PRDM7: variants seen among roughly 807,000 people sequenced by gnomAD.
The protein encoded by PRDM7 is PR/SET domain 7.
In PRDM7, 52 loss-of-function variants were observed where a neutral mutation model predicts 64.3. That is an observed-to-expected ratio of 0.81 (90% CI 0.65 to 1.02). The LOEUF is 1.02. Ranked by LOEUF, PRDM7 falls within the 50% of genes least tolerant of loss-of-function variation. The pLI is 0.00. For missense variants in PRDM7, 574 were observed against 597.1 expected, an observed-to-expected ratio of 0.96 and a Z score of 0.40; for synonymous variants, 192 against 210.1, an observed-to-expected ratio of 0.91 and a Z score of 0.74.
chr16:90,072,230 C>T (rs1032839908), intron 4 of PRDM7, among the ~76,000 whole-genome samples: 1 of 107,016 alleles, frequency 9.3e-6, no homozygotes, highest in Non-Finnish European at 2.0e-5. Context: ...GACTCCATCT[C>T]AAAAAAAAAA....
At chr16:90,063,429 C>T (rs2037816990) in intron 6 of PRDM7, among the ~76,000 whole-genome samples, 183 bp downstream of exon 6, 1 of 152,112 alleles carries the variant, frequency 6.6e-6, no homozygotes, top group Admixed American at 6.6e-5. Flanking sequence ...CAGAGTAAGA[C>T]TCTGTCTCAG....
Position 90,060,469 on chromosome 16 carries a change from A to G in PRDM7, c.1105T>C (p.Ser369Pro). 3 of 1,613,748 alleles carry G rather than the reference A, an allele frequency of 1.9e-6. No individual in the cohort carries two copies. Among genetic ancestry groups the G allele is most frequent in the Admixed American group, 3.3e-5 (2 of 60,004 alleles). Residue 369 changes from serine (S) to proline (P), a missense_variant, in exon 10 of 11, where the codon TCT becomes CCT. Physicochemically the swap from Ser to Pro is moderately conservative, Grantham distance 74. Transcript: ENST00000449207. ...DEYGQELGIR[S>P]SIEPAESLGQ... Reference sequence around the variant, plus strand: ...AATGACTCGGCAGGTTCTATAGAAGATCTGATGCCCAGTTCCTGGCCATAC... The same window carrying G: ...AATGACTCGGCAGGTTCTATAGAAGGTCTGATGCCCAGTTCCTGGCCATAC...
At position 90,060,590 on chromosome 16, in the gene PRDM7, C is replaced by G. The variant is rs200324057; in HGVS notation, c.984G>C (p.Gln328His). The G allele has an allele frequency of 2.6e-4, 415 of 1,614,042 alleles. No individual in the cohort carries two copies. The highest frequency in any genetic ancestry group is 5.0e-4 in the Admixed American group (30 of 60,002). Residue 328 changes from glutamine (Q) to histidine (H), a missense_variant, in exon 10 of 11, where the codon CAG (glutamine) becomes CAC (histidine). Gln to His is a conservative substitution (Grantham distance 24, BLOSUM62 0). Coordinates refer to ENST00000449207, the MANE Select transcript of PRDM7 (RefSeq NM_001098173.2). ...TGTGGTACTGGAAGGCCACCAGGTT[C>G]TGCTCTTCATCATCCCGGGCACAGT... ...YVNCARDDEE[Q>H]NLVAFQYHRQ...
chr16:90,070,284 G>A (rs570206013), intron 4 of PRDM7, among the ~76,000 whole-genome samples: 15 of 150,614 alleles, frequency 1.0e-4, no homozygotes, highest in Non-Finnish European at 1.8e-4. Context: ...ATGAGGGTGG[G>A]ACCCTTAGGA....
intron 4 of PRDM7, among the ~76,000 whole-genome samples, chr16:90,071,232 A>G (rs1315709612): frequency 1.3e-5 from 2 of 152,090 alleles, no homozygotes; most frequent in African/African-American, 4.8e-5. Context: ...CCCGGGTTCA[A>G]GTGATTCTTC....
intron 4 of PRDM7, 72 bp from the exon 5 acceptor site, chr16:90,066,982 T>C: frequency 7.6e-7 from 1 of 1,308,768 alleles, no homozygotes; most frequent in Non-Finnish European, 1.1e-6. Context: ...TTTTTCTTTT[T>C]GATATGGAGT....
intron 1 of PRDM7, 132 bp downstream of exon 1, chr16:90,077,094 G>A (rs1435147230): frequency 1.3e-5 from 2 of 152,148 alleles, no homozygotes; most frequent in African/African-American, 2.4e-5. Flanking sequence ...GTTTCATGCT[G>A]AGGGGATTTT....
At position 90,062,204 on chromosome 16, in the gene PRDM7, G is replaced by A. The variant is rs1364013123; in HGVS notation, c.611-12C>T. ...ACACATCTCACAATCTGGAAGTGAG[G>A]GAAGCAGGGATTAGGAAAGTTGTAA... On this transcript the variant is annotated splice_polypyrimidine_tract_variant and intron_variant, in intron 7 of 10. Coordinates refer to ENST00000449207, the MANE Select transcript of PRDM7 (RefSeq NM_001098173.2). 4.0e-5 allele frequency: 64 copies of A among 1,614,118 alleles called. No individual in the cohort carries two copies. The highest frequency in any genetic ancestry group is 4.9e-5 in the Non-Finnish European group (58 of 1,180,044).
intron 4 of PRDM7, among the ~76,000 whole-genome samples, chr16:90,068,149 G>C (rs1459011615): frequency 6.7e-6 from 1 of 150,050 alleles, no homozygotes; most frequent in African/African-American, 2.5e-5. Flanking sequence ...CATGGTGGCG[G>C]GCACCTATAG....
intron 4 of PRDM7, among the ~76,000 whole-genome samples, chr16:90,068,649 A>AAAG (rs2037914556): frequency 1.3e-5 from 2 of 148,468 alleles, no homozygotes; most frequent in Non-Finnish European, 1.5e-5. Context: ...AAAAAAAAAA[A>AAAG]AAAGAAGTAA....
rs1001270383 is a variant in PRDM7 at position 90,057,356 on chromosome 16, G to C, written c.*933C>G. The C allele has an allele frequency of 6.4e-6, 1 of 155,950 alleles. No individual in the cohort carries two copies. Among genetic ancestry groups the C allele is most frequent in the African/African-American group, 2.4e-5 (1 of 41,378 alleles). 9.7% of individuals were successfully genotyped at this position (155,950 alleles called of 1,614,324 possible). A position where few individuals can be genotyped will look rare whatever the true frequency, so the allele number is the denominator to read the frequency against. The stretch of plus-strand genomic sequence containing the variant: ...GTAAAACCCTACATTTCTCTTCCTG[G>C]ACTTGGGAATCGATTCTCCAATAAT... On this transcript the variant is annotated 3_prime_UTR_variant, in exon 11 of 11. Transcript: ENST00000449207.
In PRDM7 at chr16:90,075,985, G is replaced by A; in HGVS notation, c.-75C>T. 1 of 1,508,004 alleles carries A rather than the reference G, an allele frequency of 6.6e-7. No individual in the cohort carries two copies. Among genetic ancestry groups the A allele is most frequent in the South Asian group, 1.2e-5 (1 of 84,908 alleles). 93.4% of individuals were successfully genotyped at this position (1,508,004 alleles called of 1,614,324 possible). A position where few individuals can be genotyped will look rare whatever the true frequency, so the allele number is the denominator to read the frequency against. On this transcript the variant is annotated 5_prime_UTR_variant, in exon 2 of 11. Coordinates refer to ENST00000449207, the MANE Select transcript of PRDM7 (RefSeq NM_001098173.2). This position sits in a 1 kb window ranked among gnomAD's most constrained non-coding sequence, Gnocchi z 4.3. ...GGCCCCTGAGTCTCCCAGCTCCTAG[G>A]CCAAAGGCTCCTGTGGAAGGAGAAG...
rs1160815878 is a variant in PRDM7, at chr16:90,064,610, C to T, written c.352-842G>A. On this transcript the variant is annotated intron_variant, in intron 5 of 10. Transcript: ENST00000449207. ...TGTATATTTATTAGAGACGGGGTTT[C>T]GCTAGTTTGGCCAGGCTGGTCTAGA... Among the ~76,000 whole-genome samples the T allele has an allele frequency of 9.3e-5, 14 of 151,210 alleles. 1 individual carries two copies. Among genetic ancestry groups the T allele is most frequent in the African/African-American group, 1.2e-4 (5 of 40,772 alleles).
chr16:90,076,089 C>T, intron 1 of PRDM7, 94 bp from the exon 2 acceptor site: 1 of 719,182 alleles, frequency 1.4e-6, no homozygotes. Flanking sequence ...GTGTTCAGAG[C>T]AGGAAGACTG....
chr16:90,061,069 G>A lies in PRDM7; in HGVS notation c.950+383C>T, dbSNP rs117196800. On this transcript the variant is annotated intron_variant, in intron 9 of 10. Transcript: ENST00000449207. ...TCATTTTTCTATTCTCTGATAGAAC[G>A]ACAGCCCATTGTGGAAAGGGGCTGG... is the stretch of plus-strand genomic sequence containing the variant. 1.8e-4 allele frequency among the ~76,000 whole-genome samples: 28 copies of A among 152,216 alleles called. No individual in the cohort carries two copies. The East Asian group carries it at 5.0e-3, about 27-fold the overall frequency.
At position 90,058,287 on chromosome 16, in the gene PRDM7, A is replaced by T. The variant is rs180980492; in HGVS notation, c.*2T>A. 53,055 of 1,614,126 alleles carry T rather than the reference A, an allele frequency of 0.033. 1,013 individuals are homozygous for T. Among genetic ancestry groups the T allele is most frequent in the Non-Finnish European group, 0.039 (46,125 of 1,180,010 alleles). ...AAATCTCCCTCTGCCATGTCCTTTT[A>T]TTCAAGAGTTTGGACCTTTCTTTGA... On this transcript the variant is annotated 3_prime_UTR_variant, in exon 11 of 11. Transcript: ENST00000449207.
intron 5 of PRDM7, among the ~76,000 whole-genome samples, chr16:90,064,054 G>A (rs567830421): frequency 6.6e-6 from 1 of 152,200 alleles, no homozygotes; most frequent in Non-Finnish European, 1.5e-5. Flanking sequence ...CAAGATCTGT[G>A]AAAGAAGGGG....
chr16:90,064,602 C>CCTAGGCACTCT (rs1567877043), intron 5 of PRDM7, among the ~76,000 whole-genome samples: 3 of 151,088 alleles, frequency 2.0e-5, no homozygotes, highest in African/African-American at 7.4e-5. Flanking sequence ...TTATTAGAGA[C>CCTAGGCACTCT]GGGGTTTCGC....
intron 4 of PRDM7, among the ~76,000 whole-genome samples, chr16:90,067,152 G>C (rs1197145665): frequency 2.7e-5 from 4 of 150,930 alleles, no homozygotes; most frequent in Non-Finnish European, 5.9e-5. Context: ...TTTTAGTAGA[G>C]ATGGGGTTTC....
Sources: allele counts gnomAD v4.1 joint callset (sites outside exome capture counted in the v4.1 genomes callset), GRCh38; gene constraint gnomAD v4.1.1; non-coding constraint Gnocchi (gnomAD v3.1); transcripts MANE v1.5; gene names NCBI Gene and HGNC (gene_info 2026-07-23, HGNC 2026-07-21).